The following BST1 variants were observed in gnomAD, a reference collection of about 807,000 sequenced individuals.
BST1 encodes ADP-ribosyl cyclase/cyclic ADP-ribose hydrolase 2.
In BST1, 49 loss-of-function variants were observed where a neutral mutation model predicts 40.6. That is an observed-to-expected ratio of 1.21 (90% CI 0.96 to 1.53). BST1 has a LOEUF of 1.53. BST1 is among the 40% of genes most tolerant of loss of function. The pLI is 0.00. For missense variants in BST1, 423 were observed against 395.9 expected, an observed-to-expected ratio of 1.07 and a Z score of -0.58; for synonymous variants, 157 against 159.3, an observed-to-expected ratio of 0.99 and a Z score of 0.11.
Position 15,731,599 on chromosome 4 carries a change from G to T in BST1, c.852-141G>T. Reference sequence around the variant, plus strand: ...CAGGACTTCGCGCACCGCCTCCTACGGGGTGTCACGGGAGACTTTGCTGCT... The same window carrying T: ...CAGGACTTCGCGCACCGCCTCCTACTGGGTGTCACGGGAGACTTTGCTGCT... On this transcript the variant is annotated intron_variant, in intron 8 of 8. Transcript: ENST00000265016. 4 of 1,193,146 alleles carry T rather than the reference G, an allele frequency of 3.4e-6. No individual in the cohort carries two copies. The East Asian group carries it at 7.6e-5, about 23-fold the overall frequency. The allele number at this position is 1,193,146 out of a possible 1,614,324, so 73.9% of individuals were successfully genotyped here.
At chr4:15,764,885 T>TGTGTGTGTGTGTGG in the BST1 span, among the ~76,000 whole-genome samples, 201 of 151,614 alleles carry the variant, frequency 1.3e-3, 2 homozygotes, top group African/African-American at 4.0e-3. Context: ...TGTGTGTGTG[T>TGTGTGTGTGTGTGG]GTGTGTGTGT....
chr4:15,762,226 A>T, the BST1 span, among the ~76,000 whole-genome samples: 1 of 149,396 alleles, frequency 6.7e-6, no homozygotes, highest in Non-Finnish European at 1.5e-5. Context: ...AATAGAAAGA[A>T]CTTAATTCAA....
At chr4:15,741,138 A>C (rs1236413727), downstream of BST1, among the ~76,000 whole-genome samples, 1 of 152,098 alleles carries the variant, frequency 6.6e-6, no homozygotes, top group Non-Finnish European at 1.5e-5. Flanking sequence ...CTCCTCCAAC[A>C]AAGTTGTCAA....
At chr4:15,741,950 C>T (rs10019008), downstream of BST1, among the ~76,000 whole-genome samples, 36,837 of 152,096 alleles carry the variant, frequency 0.24, 4,850 homozygotes, top group East Asian at 0.38. Context: ...TGGTGCATAA[C>T]GCCCCGGTCT....
chr4:15,731,400 T>C, intron 8 of BST1: 1 of 587,814 alleles, frequency 1.7e-6, no homozygotes, highest in Non-Finnish European at 3.1e-6. Context: ...AGGCTTGGCC[T>C]TGTCACGGTG....
chr4:15,754,083 G>T, the BST1 span, among the ~76,000 whole-genome samples: 1 of 152,184 alleles, frequency 6.6e-6, no homozygotes, highest in Non-Finnish European at 1.5e-5. Flanking sequence ...CCAAGTGGGG[G>T]GGTGTGAGGC....
chr4:15,751,027 G>C, the BST1 span, among the ~76,000 whole-genome samples: 2 of 152,136 alleles, frequency 1.3e-5, no homozygotes, highest in African/African-American at 2.4e-5. Context: ...CTAGTGTTTG[G>C]AGAAGACAAA....
the BST1 span, among the ~76,000 whole-genome samples, chr4:15,768,977 A>G: frequency 6.6e-6 from 1 of 152,178 alleles, no homozygotes; most frequent in Admixed American, 6.5e-5. Flanking sequence ...CACATTTACA[A>G]TATGAAAATC....
chr4:15,755,904 A>AG, the BST1 span, among the ~76,000 whole-genome samples: 1 of 152,254 alleles, frequency 6.6e-6, no homozygotes, highest in Admixed American at 6.5e-5. Context: ...CAAAGCTTCC[A>AG]GGGAATAAAG....
chr4:15,750,461 T>C, the BST1 span, among the ~76,000 whole-genome samples: 5 of 152,230 alleles, frequency 3.3e-5, no homozygotes, highest in Non-Finnish European at 7.3e-5. Flanking sequence ...ACTTTTAATA[T>C]GTCTCTGCTT....
the BST1 span, among the ~76,000 whole-genome samples, chr4:15,755,622 A>C: frequency 6.6e-6 from 1 of 152,344 alleles, no homozygotes; most frequent in South Asian, 2.1e-4. Flanking sequence ...GAATTGAACA[A>C]CTGCATATTA....
chr4:15,752,441 T>G, the BST1 span, among the ~76,000 whole-genome samples: 3 of 151,166 alleles, frequency 2.0e-5, no homozygotes, highest in Non-Finnish European at 4.4e-5. Context: ...CAGGCTGGAG[T>G]GCAATGGCGC....
In BST1 at chr4:15,703,257, G is replaced by T; in HGVS notation, c.113G>T (p.Gly38Val). The T allele has an allele frequency of 1.3e-6, 2 of 1,540,962 alleles. No individual in the cohort carries two copies. Reference protein sequence around the residue: ...GGARARWRGEGTSAHLRDIFL... With the variant: ...GGARARWRGEVTSAHLRDIFL... ...GCGCGCGCGCGGTGGCGCGGGGAGG[G>T]CACCAGCGCACACTTGCGGGACATC... The change falls in exon 1 of 9, where the codon GGC becomes GTC. Residue 38 changes from glycine (G) to valine (V), a missense_variant. Coordinates refer to ENST00000265016, the MANE Select transcript of BST1 (RefSeq NM_004334.3).
downstream of BST1, among the ~76,000 whole-genome samples, chr4:15,733,264 C>A (rs1308770178): frequency 2.0e-5 from 3 of 152,142 alleles, no homozygotes; most frequent in Non-Finnish European, 4.4e-5. Flanking sequence ...ACACAGAGTG[C>A]TGATTGGTGT....
downstream of BST1, among the ~76,000 whole-genome samples, chr4:15,740,123 G>A (rs114730914): frequency 7.9e-4 from 120 of 152,240 alleles, no homozygotes; most frequent in African/African-American, 2.4e-3. Context: ...GCACCGTCTC[G>A]TCTCACTGCA....
chr4:15,741,047 T>G (rs978243981), downstream of BST1, among the ~76,000 whole-genome samples: 15 of 151,998 alleles, frequency 9.9e-5, no homozygotes, highest in Admixed American at 6.6e-5. Flanking sequence ...TGATATTGAT[T>G]AGGAGTCTTG....
At chr4:15,773,512 A>G in the BST1 span, among the ~76,000 whole-genome samples, 91,813 of 152,090 alleles carry the variant, frequency 0.6, 30,074 homozygotes, top group African/African-American at 0.88. Flanking sequence ...TTTTGCCCCC[A>G]CTTCAGTTTC....
chr4:15,707,438 T>G (rs1719939973), intron 2 of BST1, 73 bp from the exon 3 acceptor site: 3 of 1,597,316 alleles, frequency 1.9e-6, no homozygotes, highest in East Asian at 2.2e-5. Flanking sequence ...CCAACTTGCC[T>G]TGATGATATT....
downstream of BST1, among the ~76,000 whole-genome samples, chr4:15,733,211 T>C (rs1003894128): frequency 5.3e-5 from 8 of 152,338 alleles, no homozygotes; most frequent in South Asian, 1.7e-3. Flanking sequence ...GATTGGTCCA[T>C]TTTACAGAGT....
Sources: allele counts gnomAD v4.1 joint callset (sites outside exome capture counted in the v4.1 genomes callset), GRCh38; gene constraint gnomAD v4.1.1; transcripts MANE v1.5; gene names NCBI Gene and HGNC (gene_info 2026-07-23, HGNC 2026-07-21).